Variants in GFOD1 observed in about 807,000 individuals in gnomAD.
GFOD1 encodes the protein glucose-fructose oxidoreductase domain-containing protein 1.
Under a neutral mutation model 25.4 loss-of-function variants are expected in GFOD1, and 9 were observed. That is an observed-to-expected ratio of 0.35 (90% confidence interval 0.21 to 0.62). The LOEUF (loss-of-function observed/expected upper bound fraction) is 0.62, where lower values mean the gene tolerates loss of function less well. Among genes scored for constraint, GFOD1 ranks in the 20% least tolerant of loss-of-function variants. The probability of loss-of-function intolerance (pLI) is 0.72; values close to 1 mark genes in which losing one functional copy is unlikely to be tolerated. For synonymous variants in GFOD1, 253 were observed against 245.6 expected, an observed-to-expected ratio of 1.03 and a Z score of -0.28; for missense variants, 403 against 556.9, an observed-to-expected ratio of 0.72 and a Z score of 2.78.
intron 1 of GFOD1, chr6:13,485,866 T>C (rs750301234): frequency 7.5e-5 from 16 of 214,464 alleles, no homozygotes; most frequent in African/African-American, 1.9e-4. Flanking sequence ...TTACTCCAAA[T>C]TGGGGCAGAA....
At chr6:13,464,552 T>TTG (rs1167444286) in intron 1 of GFOD1, among the ~76,000 whole-genome samples, 1 of 152,210 alleles carries the variant, frequency 6.6e-6, no homozygotes, top group Non-Finnish European at 1.5e-5. Flanking sequence ...ATATATCAAC[T>TTG]TGGCTAAGCC....
chr6:13,399,957 C>T (rs1038849356), intron 1 of GFOD1, among the ~76,000 whole-genome samples: 1 of 152,136 alleles, frequency 6.6e-6, no homozygotes, highest in African/African-American at 2.4e-5. Context: ...GAGGGGTGCT[C>T]CCTTTTGGGG....
chr6:13,391,203 T>G (rs1425942825), intron 1 of GFOD1, among the ~76,000 whole-genome samples: 1 of 152,102 alleles, frequency 6.6e-6, no homozygotes, highest in East Asian at 1.9e-4. Context: ...AGGTGAGAAA[T>G]GGACTTCAAT....
In GFOD1 at chr6:13,464,231, C is replaced by T. The variant is rs115371483; in HGVS notation, c.253+22407G>A. Among the ~76,000 whole-genome samples, 779 of 152,270 alleles carry T rather than the reference C, an allele frequency of 5.1e-3. 7 individuals carry two copies. Among genetic ancestry groups the T allele is most frequent in the African/African-American group, 0.018 (741 of 41,534 alleles). On this transcript the variant is annotated intron_variant, in intron 1 of 1. Transcript: ENST00000379287. ...GCACTCTTCCCTGTAAACCCATTTC[C>T]TCTGGACACACAGCCAGGCAAGTGG...
chr6:13,366,894 A>C (rs1169740871), intron 1 of GFOD1, among the ~76,000 whole-genome samples: 2 of 152,064 alleles, frequency 1.3e-5, no homozygotes, highest in Non-Finnish European at 2.9e-5. Context: ...AATGTTTAAC[A>C]ATATTTGCTA....
At chr6:13,369,808 G>A (rs1173827762) in intron 1 of GFOD1, among the ~76,000 whole-genome samples, 1 of 152,126 alleles carries the variant, frequency 6.6e-6, no homozygotes, top group African/African-American at 2.4e-5. Context: ...AGATGATTAT[G>A]ATGTAATGTT....
intron 1 of GFOD1, among the ~76,000 whole-genome samples, chr6:13,366,363 T>A (rs936393457): frequency 6.6e-6 from 1 of 151,986 alleles, no homozygotes; most frequent in Non-Finnish European, 1.5e-5. Flanking sequence ...TGAGATGGAT[T>A]CTCACCCTAT....
At chr6:13,377,017 TG>T (rs1391939701) in intron 1 of GFOD1, among the ~76,000 whole-genome samples, 72 of 148,484 alleles carry the variant, frequency 4.8e-4, no homozygotes, top group African/African-American at 1.6e-3. Context: ...CCAGCAGATA[TG>T]TTTTTTTTTT....
At chr6:13,400,833 C>T (rs1360965092) in intron 1 of GFOD1, among the ~76,000 whole-genome samples, 2 of 152,156 alleles carry the variant, frequency 1.3e-5, no homozygotes, top group Non-Finnish European at 2.9e-5. Flanking sequence ...ACAAACTGTT[C>T]TGTGGGACAA....
chr6:13,381,129 C>T (rs990215594), intron 1 of GFOD1, among the ~76,000 whole-genome samples: 4 of 152,146 alleles, frequency 2.6e-5, no homozygotes, highest in Non-Finnish European at 1.5e-5. Flanking sequence ...AGTCATGCTG[C>T]CCCTGGTGCT....
chr6:13,440,875 C>A (rs1337484331), intron 1 of GFOD1, among the ~76,000 whole-genome samples: 1 of 152,196 alleles, frequency 6.6e-6, no homozygotes, highest in East Asian at 1.9e-4. Flanking sequence ...CTGTCCTGCT[C>A]TGGATACATT....
intron 1 of GFOD1, chr6:13,470,410 T>C (rs1034925927): frequency 2.6e-6 from 4 of 1,549,800 alleles, no homozygotes; most frequent in Non-Finnish European, 3.5e-6. Flanking sequence ...CTCTGTGCCC[T>C]GGATGTGAAC....
At position 13,364,498 on chromosome 6, in the gene GFOD1, C is replaced by CCGGG; in HGVS notation, c.*244_*245insCCCG. The CCGGG allele has an allele frequency of 5.4e-6, 3 of 552,056 alleles. No homozygotes were observed. Among genetic ancestry groups the CCGGG allele is most frequent in the Non-Finnish European group, 9.7e-6 (3 of 308,682 alleles). 34.2% of individuals were successfully genotyped at this position (552,056 alleles called of 1,614,324 possible). A position where few individuals can be genotyped will look rare whatever the true frequency, so the allele number is the denominator to read the frequency against. On this transcript the variant is annotated 3_prime_UTR_variant, in exon 2 of 2. Coordinates refer to ENST00000379287, the MANE Select transcript of GFOD1 (RefSeq NM_018988.4). This position sits in a 1 kb window ranked among gnomAD's most constrained non-coding sequence, Gnocchi z 4.1. ...AAACCACTCTCGTGCAAATACCCAG[C>CCGGG]AGGGATCATCCCAGGAATGGCAGGC...
chr6:13,459,608 T>A (rs955808873), intron 1 of GFOD1, among the ~76,000 whole-genome samples: 3 of 152,032 alleles, frequency 2.0e-5, no homozygotes, highest in Non-Finnish European at 4.4e-5. Context: ...AATCTACCCA[T>A]CTGACAAAGG....
At chr6:13,406,985 C>A (rs1023185545) in intron 1 of GFOD1, among the ~76,000 whole-genome samples, 2 of 152,196 alleles carry the variant, frequency 1.3e-5, no homozygotes, top group African/African-American at 4.8e-5. Context: ...TCTCCCTTGC[C>A]ATTAAGTGTG....
intron 1 of GFOD1, among the ~76,000 whole-genome samples, chr6:13,384,641 C>T (rs1348500507): frequency 2.6e-5 from 4 of 152,208 alleles, no homozygotes; most frequent in Non-Finnish European, 5.9e-5. Context: ...CAATGATCCA[C>T]AGCAGCACAG....
chr6:13,388,875 G>C (rs1785528901), intron 1 of GFOD1, among the ~76,000 whole-genome samples: 1 of 152,142 alleles, frequency 6.6e-6, no homozygotes, highest in Non-Finnish European at 1.5e-5. Flanking sequence ...CTGACAAAGG[G>C]CTAATAGCCA....
At chr6:13,374,133 A>T (rs114457441) in intron 1 of GFOD1, among the ~76,000 whole-genome samples, 2 of 152,158 alleles carry the variant, frequency 1.3e-5, no homozygotes, top group Non-Finnish European at 2.9e-5. Context: ...CATCTTACAG[A>T]TGTGGAAACT....
chr6:13,445,639 GTTC>G (rs1300025946), intron 1 of GFOD1, among the ~76,000 whole-genome samples: 1 of 152,202 alleles, frequency 6.6e-6, no homozygotes, highest in Non-Finnish European at 1.5e-5. Context: ...TGGCATCTCT[GTTC>G]TTCTTAACAG....
Sources: allele counts gnomAD v4.1 joint callset (sites outside exome capture counted in the v4.1 genomes callset), GRCh38; gene constraint gnomAD v4.1.1; non-coding constraint Gnocchi (gnomAD v3.1); transcripts MANE v1.5; gene names NCBI Gene and HGNC (gene_info 2026-07-23, HGNC 2026-07-21).